Variants in OPHN1 observed in about 807,000 individuals in gnomAD.
OPHN1 encodes oligophrenin-1.
OPHN1 carries 11 observed loss-of-function variants against 60.7 expected under a neutral mutation model. The ratio of observed to expected loss-of-function variants is 0.18; its 90% CI spans 0.11 to 0.30. The LOEUF (loss-of-function observed/expected upper bound fraction) is 0.30. Ranked by LOEUF, OPHN1 falls within the 10% of genes least tolerant of loss-of-function variation. OPHN1 has a pLI of 1.00. For missense variants in OPHN1, 449 were observed against 611.0 expected, an observed-to-expected ratio of 0.73 and a Z score of 2.80; for synonymous variants, 226 against 222.6, an observed-to-expected ratio of 1.02 and a Z score of -0.14.
chrX:68,355,882 A>G (rs754142616), intron 2 of OPHN1, among the ~76,000 whole-genome samples: 4 of 110,896 alleles, frequency 3.6e-5, no homozygotes, highest in Non-Finnish European at 5.7e-5. Context: ...ACCAAAAAAT[A>G]AATAAATAAA....
chrX:68,196,278 T>A (rs1490140168), intron 12 of OPHN1, among the ~76,000 whole-genome samples: 1 of 112,584 alleles, frequency 8.9e-6, no homozygotes, highest in Non-Finnish European at 1.9e-5. Flanking sequence ...TGAACACTGC[T>A]GGATCTTAGG....
rs750122933 is a variant in OPHN1 at position 68,131,190 on chromosome X, T to A, written c.1277-11858A>T. 2.2e-4 allele frequency among the ~76,000 whole-genome samples: 22 copies of A among 98,496 alleles called. No individual in the cohort carries two copies. The South Asian group carries it at 7.6e-3, about 34-fold the overall frequency. 85.5% of individuals were successfully genotyped at this position (98,496 alleles called of 115,157 possible). ...AAGCATTAAATTAAACAAAGAACACTTTTATTTATTTATTTATTTATTTAT... is the reference window on the plus strand; with the variant it reads ...AAGCATTAAATTAAACAAAGAACACATTTATTTATTTATTTATTTATTTAT... On this transcript the variant is annotated intron_variant, in intron 15 of 24. Coordinates refer to ENST00000355520, the MANE Select transcript of OPHN1 (RefSeq NM_002547.3).
chrX:68,224,060 C>T (rs2077677212), intron 6 of OPHN1, among the ~76,000 whole-genome samples: 3 of 111,208 alleles, frequency 2.7e-5, no homozygotes, highest in Admixed American at 9.6e-5. Context: ...GCAGAAAATC[C>T]GTATGGACAT....
At chrX:68,389,038 T>C (rs1380555678) in intron 2 of OPHN1, among the ~76,000 whole-genome samples, 1 of 108,238 alleles carries the variant, frequency 9.2e-6, no homozygotes, top group African/African-American at 3.4e-5. Context: ...CACTGCCACC[T>C]TGACCTCCCG....
chrX:68,390,209 G>A (rs749690309), intron 2 of OPHN1, among the ~76,000 whole-genome samples: 42 of 111,600 alleles, frequency 3.8e-4, no homozygotes, highest in African/African-American at 1.3e-3. Context: ...ATGATATTTG[G>A]GTGGAGACAT....
intron 15 of OPHN1, among the ~76,000 whole-genome samples, chrX:68,175,173 T>C (rs767906939): frequency 4.0e-4 from 45 of 111,305 alleles, no homozygotes; most frequent in Non-Finnish European, 7.3e-4. Context: ...AGAGTAGATA[T>C]AAGCATCATT....
chrX:68,325,041 G>C (rs2078254089), intron 2 of OPHN1, among the ~76,000 whole-genome samples: 1 of 111,680 alleles, frequency 9.0e-6, no homozygotes, highest in South Asian at 3.8e-4. Flanking sequence ...ACAGAGCAAA[G>C]CACTGTCTCT....
rs2077499991 is a variant in OPHN1 at position 68,193,956 on chromosome X, T to C, written c.1139-4A>G. ...AAGCCCACTTCATTTAGCTCCACTGTTTCAAGCAAAGGAAAAGAGTTAGAT... is the reference window on the plus strand; with the variant it reads ...AAGCCCACTTCATTTAGCTCCACTGCTTCAAGCAAAGGAAAAGAGTTAGAT... On this transcript the variant is annotated splice_region_variant and splice_polypyrimidine_tract_variant and intron_variant, in intron 13 of 24. Coordinates refer to ENST00000355520, the MANE Select transcript of OPHN1 (RefSeq NM_002547.3). 1 of 1,201,841 alleles carries C rather than the reference T, an allele frequency of 8.3e-7. No individual in the cohort carries two copies. Among genetic ancestry groups the C allele is most frequent in the Non-Finnish European group, 1.1e-6 (1 of 888,054 alleles).
intron 2 of OPHN1, among the ~76,000 whole-genome samples, chrX:68,393,353 C>T (rs2078663687): frequency 8.9e-6 from 1 of 111,953 alleles, no homozygotes; most frequent in South Asian, 3.7e-4. Flanking sequence ...TGCAGAGGCT[C>T]GATCACAGCT....
At chrX:68,070,839 C>T (rs1397691261) in intron 20 of OPHN1, 24 of 1,175,395 alleles carry the variant, frequency 2.0e-5, no homozygotes, top group Non-Finnish European at 2.7e-5. Context: ...AGTCCAAGCC[C>T]ATTCAGCCAG....
chrX:68,084,632 G>C (rs1740158120), intron 19 of OPHN1, among the ~76,000 whole-genome samples: 1 of 110,351 alleles, frequency 9.1e-6, no homozygotes, highest in Non-Finnish European at 1.9e-5. Flanking sequence ...CTTCCTCACA[G>C]GTTGTTCTTC....
chrX:68,212,588 C>CA (rs1208500315), intron 7 of OPHN1, among the ~76,000 whole-genome samples: 2 of 110,934 alleles, frequency 1.8e-5, no homozygotes, highest in East Asian at 5.7e-4. Flanking sequence ...CTCAAAAAAA[C>CA]AAAAAACAAA....
At chrX:68,371,202 GT>G (rs2078526343) in intron 2 of OPHN1, among the ~76,000 whole-genome samples, 2 of 105,614 alleles carry the variant, frequency 1.9e-5, no homozygotes, top group African/African-American at 7.2e-5. Flanking sequence ...TACCTTTCAA[GT>G]TTTTTCTTTT....
At chrX:68,314,238 C>T (rs756793193) in intron 2 of OPHN1, among the ~76,000 whole-genome samples, 24 of 112,026 alleles carry the variant, frequency 2.1e-4, no homozygotes, top group African/African-American at 7.4e-4. Context: ...TCCTCCCAAC[C>T]GGGCCAGGCA....
rs138701225 is a variant in OPHN1 at position 68,205,681 on chromosome X, A to G, written c.933+892T>C. 6.0e-3 allele frequency among the ~76,000 whole-genome samples: 669 copies of G among 111,497 alleles called. 7 individuals carry two copies. Among genetic ancestry groups the G allele is most frequent in the African/African-American group, 0.021 (636 of 30,644 alleles). The stretch of plus-strand genomic sequence containing the variant: ...GCAAGCCACACAAGAGAGATCTTCC[A>G]TGAAAAGGATCAGCAAGGGAGAGAA... On this transcript the variant is annotated intron_variant, in intron 10 of 24. Coordinates refer to ENST00000355520, the MANE Select transcript of OPHN1 (RefSeq NM_002547.3).
chrX:68,189,692 C>G (rs2077479535), intron 15 of OPHN1, among the ~76,000 whole-genome samples: 1 of 111,539 alleles, frequency 9.0e-6, no homozygotes, highest in African/African-American at 3.3e-5. Context: ...AAGCATCATA[C>G]AAAAATCTGG....
intron 2 of OPHN1, among the ~76,000 whole-genome samples, chrX:68,395,449 T>TC (rs1163445265): frequency 2.0e-5 from 2 of 100,522 alleles, no homozygotes; most frequent in African/African-American, 3.6e-5. Flanking sequence ...TCTCTCTCTC[T>TC]TTTTTTTTTT....
intron 19 of OPHN1, among the ~76,000 whole-genome samples, chrX:68,078,984 AAAATAAATAAATAAAT>A (rs373187258): frequency 5.9e-5 from 6 of 102,032 alleles, no homozygotes; most frequent in African/African-American, 1.1e-4. Flanking sequence ...AGACTGTCTC[AAAATAAATAAATAAAT>A]AAATAAATAA....
chrX:68,371,365 G>A (rs2078527982), intron 2 of OPHN1, among the ~76,000 whole-genome samples: 1 of 109,561 alleles, frequency 9.1e-6, no homozygotes, highest in African/African-American at 3.3e-5. Context: ...CTATAGGCGT[G>A]AGCCACCACA....
Sources: allele counts gnomAD v4.1 joint callset (sites outside exome capture counted in the v4.1 genomes callset), GRCh38; gene constraint gnomAD v4.1.1; transcripts MANE v1.5; gene names NCBI Gene and HGNC (gene_info 2026-07-23, HGNC 2026-07-21).